Variants in NTM observed in about 807,000 individuals in gnomAD.
NTM encodes IgLON family member 2.
Under a neutral mutation model 42.1 loss-of-function variants are expected in NTM, and 13 were observed. That is an observed-to-expected ratio of 0.31 (90% CI 0.20 to 0.49). The LOEUF (loss-of-function observed/expected upper bound fraction) is 0.49. Among genes scored for constraint, NTM ranks in the 20% least tolerant of loss-of-function variants. The pLI is 0.99. For synonymous variants in NTM, 187 were observed against 179.2 expected, an observed-to-expected ratio of 1.04 and a Z score of -0.35; for missense variants, 373 against 452.8, an observed-to-expected ratio of 0.82 and a Z score of 1.60.
chr11:132,204,303 T>G (rs1483646901), intron 3 of NTM, among the ~76,000 whole-genome samples: 1 of 152,266 alleles, frequency 6.6e-6, no homozygotes, highest in Non-Finnish European at 1.5e-5. Context: ...ATTCAGTCAT[T>G]TCAATTTGTT....
intron 1 of NTM, among the ~76,000 whole-genome samples, chr11:131,460,184 G>T (rs1388589310): frequency 6.6e-6 from 1 of 152,156 alleles, no homozygotes; most frequent in African/African-American, 2.4e-5. Context: ...GCATGGCCCA[G>T]ATGATGAATA....
At chr11:132,066,566 G>A (rs1308670296) in intron 2 of NTM, among the ~76,000 whole-genome samples, 2 of 152,078 alleles carry the variant, frequency 1.3e-5, no homozygotes, top group African/African-American at 2.4e-5. Context: ...AACTTCACTG[G>A]CCCCACATCA....
intron 1 of NTM, among the ~76,000 whole-genome samples, chr11:131,563,860 T>C (rs1395851743): frequency 2.0e-5 from 3 of 152,142 alleles, no homozygotes; most frequent in South Asian, 2.1e-4. Flanking sequence ...CTCTCTATGC[T>C]AGGTTCCCAA....
At chr11:131,471,196 CAAG>C (rs1952406870) in intron 1 of NTM, among the ~76,000 whole-genome samples, 1 of 152,220 alleles carries the variant, frequency 6.6e-6, no homozygotes, top group South Asian at 2.1e-4. Context: ...GATAACTCCA[CAAG>C]AATGTCTAAT....
At chr11:131,930,986 T>C (rs2058532312) in intron 2 of NTM, among the ~76,000 whole-genome samples, 1 of 152,178 alleles carries the variant, frequency 6.6e-6, no homozygotes, top group Non-Finnish European at 1.5e-5. Context: ...AAACACCTGC[T>C]AAAATATTAA....
intron 1 of NTM, among the ~76,000 whole-genome samples, chr11:131,474,927 G>A (rs974528223): frequency 6.6e-6 from 1 of 152,142 alleles, no homozygotes; most frequent in Non-Finnish European, 1.5e-5. Context: ...ACAACGAAAG[G>A]CTTAATATAT....
chr11:131,587,435 G>A lies in NTM; in HGVS notation c.82+216547G>A, dbSNP rs1022229386. Among the ~76,000 whole-genome samples, 5 of 135,310 alleles carry A rather than the reference G, an allele frequency of 3.7e-5. No homozygotes were observed. In the South Asian group the frequency reaches 7.8e-4, roughly 21 times the overall value. The allele number at this position is 135,310 out of a possible 152,430, so 88.8% of individuals were successfully genotyped here. A position where few individuals can be genotyped will look rare whatever the true frequency, so the allele number is the denominator to read the frequency against. Reference sequence around the variant, plus strand: ...TGCACTCTAGCCTGGGAGACGGAGCGAGACTCTGTCCAAAAAAAAAAAAAT... The same window carrying A: ...TGCACTCTAGCCTGGGAGACGGAGCAAGACTCTGTCCAAAAAAAAAAAAAT... On this transcript the variant is annotated intron_variant, in intron 1 of 8. Coordinates refer to ENST00000683400, the MANE Select transcript of NTM (RefSeq NM_001352005.2).
chr11:132,031,604 G>T (rs1026521957), intron 2 of NTM, among the ~76,000 whole-genome samples: 3 of 152,150 alleles, frequency 2.0e-5, no homozygotes, highest in African/African-American at 7.2e-5. Flanking sequence ...ACTGGATGAA[G>T]TTCAAGTTTG....
rs796146183 is a variant in NTM, at chr11:132,058,806, T to C, written c.168-87476T>C. ...ACAGCCCAGGGCCTGAATCCTCTTG[T>C]TTGAACCTTGTTGTAGATGCACAAC... On this transcript the variant is annotated intron_variant, in intron 2 of 8. Coordinates refer to ENST00000683400, the MANE Select transcript of NTM (RefSeq NM_001352005.2). 2.6e-5 allele frequency among the ~76,000 whole-genome samples: 4 copies of C among 152,300 alleles called. No homozygotes were observed. The East Asian group carries it at 5.8e-4, about 22-fold the overall frequency.
chr11:131,418,705 G>A (rs1228859929), intron 1 of NTM, among the ~76,000 whole-genome samples: 1 of 152,188 alleles, frequency 6.6e-6, no homozygotes. Context: ...AGGAGTCACT[G>A]GAGAGGTTAG....
chr11:131,453,148 G>A (rs1490939439), intron 1 of NTM, among the ~76,000 whole-genome samples: 1 of 152,182 alleles, frequency 6.6e-6, no homozygotes, highest in Non-Finnish European at 1.5e-5. Flanking sequence ...ACCAATGGTT[G>A]AGGACAGGGA....
intron 1 of NTM, among the ~76,000 whole-genome samples, chr11:131,675,111 C>G (rs2071144111): frequency 1.3e-5 from 2 of 152,204 alleles, no homozygotes; most frequent in Non-Finnish European, 2.9e-5. Flanking sequence ...ATCCCCAGTT[C>G]CATCTTTACT....
chr11:132,169,320 C>CTTTTTTTTTTTTTTTATTTTTTTTT (rs2075782768), intron 3 of NTM, among the ~76,000 whole-genome samples: 1 of 32,358 alleles, frequency 3.1e-5, no homozygotes, highest in Non-Finnish European at 5.4e-5. Context: ...AATTTTTTTA[C>CTTTTTTTTTTTTTTTATTTTTTTTT]TTTTTTTTTT....
chr11:131,967,518 A>C (rs375099491), intron 2 of NTM, among the ~76,000 whole-genome samples: 16 of 152,258 alleles, frequency 1.1e-4, no homozygotes, highest in African/African-American at 3.6e-4. Flanking sequence ...AGCCACATGA[A>C]GGTGGGATGA....
chr11:131,486,515 G>A (rs1019734010), intron 1 of NTM, among the ~76,000 whole-genome samples: 1 of 152,174 alleles, frequency 6.6e-6, no homozygotes, highest in Non-Finnish European at 1.5e-5. Context: ...CAGCCACCTA[G>A]CATCACCTCT....
chr11:131,450,494 G>T (rs2136040411), intron 1 of NTM, among the ~76,000 whole-genome samples: 1 of 152,158 alleles, frequency 6.6e-6, no homozygotes, highest in East Asian at 1.9e-4. Context: ...TCCAAGTCAG[G>T]TCTTGGTTTG....
At chr11:132,099,202 C>T (rs1393676556) in intron 2 of NTM, among the ~76,000 whole-genome samples, 2 of 152,104 alleles carry the variant, frequency 1.3e-5, no homozygotes, top group African/African-American at 4.8e-5. Flanking sequence ...AGAAAGGGAG[C>T]TTGGAAACTC....
Position 132,247,600 on chromosome 11 carries a change from G to A in NTM, c.526+35453G>A, listed in dbSNP as rs540585569. 3.3e-5 allele frequency among the ~76,000 whole-genome samples: 5 copies of A among 152,202 alleles called. No homozygotes were observed. In the South Asian group the frequency reaches 1.0e-3, roughly 32 times the overall value. On this transcript the variant is annotated intron_variant, in intron 4 of 8. Coordinates refer to ENST00000683400, the MANE Select transcript of NTM (RefSeq NM_001352005.2). ...TTTGGTTCAGACTCAAACTATACTG[G>A]AGATTCAGAAGGAAAATATCATCAA...
chr11:132,139,115 A>G (rs1033398087), intron 2 of NTM, among the ~76,000 whole-genome samples: 8 of 151,960 alleles, frequency 5.3e-5, no homozygotes, highest in Non-Finnish European at 1.2e-4. Context: ...TCCAGAGACC[A>G]CTCTTCTGTG....
Sources: allele counts gnomAD v4.1 joint callset (sites outside exome capture counted in the v4.1 genomes callset), GRCh38; gene constraint gnomAD v4.1.1; transcripts MANE v1.5; gene names NCBI Gene and HGNC (gene_info 2026-07-23, HGNC 2026-07-21).